Variants in MLPH observed in about 807,000 individuals in gnomAD.
The protein encoded by MLPH is exophilin-3.
In MLPH, 51 loss-of-function variants were observed where a neutral mutation model predicts 72.1. That is an observed-to-expected ratio of 0.71 (90% CI 0.56 to 0.89). The LOEUF is 0.89. MLPH is among the 40% of genes least tolerant of loss of function. MLPH has a pLI of 0.00. For synonymous variants in MLPH, 301 were observed against 310.1 expected, an observed-to-expected ratio of 0.97 and a Z score of 0.31; for missense variants, 743 against 759.9, an observed-to-expected ratio of 0.98 and a Z score of 0.26.
rs2106381719 is a variant in MLPH, at chr2:237,542,579, G to A, written c.1459G>A (p.Glu487Lys). Reference protein sequence around the residue: ...QQAESEVSDIESRIAALRAAG... With the variant: ...QQAESEVSDIKSRIAALRAAG... ...TGTCCTCTCGCAGGTTTCAGACATTGAATCCAGGATTGCAGCCCTGAGGGC... is the reference window on the plus strand; with the variant it reads ...TGTCCTCTCGCAGGTTTCAGACATTAAATCCAGGATTGCAGCCCTGAGGGC... Residue 487 changes from glutamate to lysine, a missense_variant, in exon 12 of 16, where the codon GAA becomes AAA. Transcript: ENST00000264605. 1 of 1,602,810 alleles carries A rather than the reference G, an allele frequency of 6.2e-7. No individual in the cohort carries two copies. The highest frequency in any genetic ancestry group is 1.3e-5 in the African/African-American group (1 of 74,914).
chr2:237,502,643 C>T (rs915614654), intron 2 of MLPH, among the ~76,000 whole-genome samples: 23 of 152,098 alleles, frequency 1.5e-4, no homozygotes, highest in African/African-American at 1.4e-4. Context: ...GAAGCCCAAA[C>T]GGAACACCCT....
chr2:237,547,036 A>C (rs544958987), intron 13 of MLPH, among the ~76,000 whole-genome samples: 1 of 152,228 alleles, frequency 6.6e-6, no homozygotes, highest in Non-Finnish European at 1.5e-5. Flanking sequence ...GACCACGCAG[A>C]TCACACCCCA....
intron 8 of MLPH, among the ~76,000 whole-genome samples, chr2:237,528,772 C>T (rs190695864): frequency 1.3e-5 from 2 of 152,182 alleles, no homozygotes; most frequent in East Asian, 1.9e-4. Flanking sequence ...TCCCTTGTCC[C>T]CGGCCTCTGA....
At chr2:237,542,727 G>A (rs1209934912) in intron 12 of MLPH, 68 bp downstream of exon 12, 12 of 1,061,682 alleles carry the variant, frequency 1.1e-5, no homozygotes, top group African/African-American at 6.7e-5. Context: ...GGCGGACAGT[G>A]GTGAGTGGGG....
intron 2 of MLPH, among the ~76,000 whole-genome samples, chr2:237,501,194 C>T (rs1471738790): frequency 2.0e-5 from 3 of 152,130 alleles, no homozygotes; most frequent in South Asian, 2.1e-4. Flanking sequence ...GCTGCTTTGG[C>T]GCTGTGTCAC....
At chr2:237,518,340 T>C (rs2080097421) in intron 4 of MLPH, 199 bp from the exon 5 acceptor site, 2 of 670,312 alleles carry the variant, frequency 3.0e-6, no homozygotes, top group Admixed American at 2.1e-5. Context: ...AATAGATTGA[T>C]AAATAGGGGG....
intron 1 of MLPH, among the ~76,000 whole-genome samples, chr2:237,491,708 G>A (rs188778032): frequency 6.6e-6 from 1 of 152,322 alleles, no homozygotes; most frequent in Admixed American, 6.5e-5. Context: ...CATTGGTGGT[G>A]AAGTTCTCCC....
In MLPH at chr2:237,541,251, A is replaced by T. The variant is rs2080675583; in HGVS notation, c.1446+294A>T. Among the ~76,000 whole-genome samples the T allele has an allele frequency of 1.3e-5, 2 of 152,082 alleles. No individual in the cohort carries two copies. The highest frequency in any genetic ancestry group is 4.8e-5 in the African/African-American group (2 of 41,396). ...CTGAACACACAATCCCTGACCCAGG[A>T]TGGGGGCCTAGAAGCAGGCCTGGAA... On this transcript the variant is annotated intron_variant, in intron 11 of 15. Transcript: ENST00000264605. This position sits in a 1 kb window ranked among gnomAD's most constrained non-coding sequence, Gnocchi z 5.1.
At chr2:237,504,858 C>A (rs1198208022) in intron 2 of MLPH, among the ~76,000 whole-genome samples, 1 of 152,112 alleles carries the variant, frequency 6.6e-6, no homozygotes. Flanking sequence ...AACTCATGGT[C>A]GAAAACTTCA....
intron 2 of MLPH, among the ~76,000 whole-genome samples, chr2:237,509,105 T>C (rs2079837376): frequency 6.6e-6 from 1 of 152,168 alleles, no homozygotes; most frequent in African/African-American, 2.4e-5. Flanking sequence ...GGCTGGCAGA[T>C]GTCATTTGGT....
Position 237,534,586 on chromosome 2 carries a change from T to C in MLPH, c.1043T>C (p.Ile348Thr). ...ESQIFELNKH[I>T]SAVECLLTYL... ...CAGATCTTTGAGCTGAATAAGCATA[T>C]TTCAGCTGTGGAATGCCTGCTGACC... The change falls in exon 9 of 16, where the codon ATT (isoleucine) becomes ACT (threonine). Residue 348 changes from isoleucine to threonine, a missense_variant. Coordinates refer to ENST00000264605, the MANE Select transcript of MLPH (RefSeq NM_024101.7). 4 of 1,613,708 alleles carry C rather than the reference T, an allele frequency of 2.5e-6. No individual in the cohort carries two copies. Among genetic ancestry groups the C allele is most frequent in the Admixed American group, 1.7e-5 (1 of 59,992 alleles).
At chr2:237,495,866 G>A (rs949678973) in intron 2 of MLPH, among the ~76,000 whole-genome samples, 5 of 152,178 alleles carry the variant, frequency 3.3e-5, no homozygotes, top group Admixed American at 3.3e-4. Context: ...TGACCGCAGG[G>A]CTGACACCCT....
At chr2:237,499,730 T>TATC (rs2079607200) in intron 2 of MLPH, among the ~76,000 whole-genome samples, 1 of 152,214 alleles carries the variant, frequency 6.6e-6, no homozygotes, top group South Asian at 2.1e-4. Context: ...AATGTAATTT[T>TATC]ATCCCATTTT....
chr2:237,517,021 ATGG>A (rs2080047636), intron 4 of MLPH, among the ~76,000 whole-genome samples: 4 of 133,710 alleles, frequency 3.0e-5, no homozygotes, highest in African/African-American at 8.7e-5. Context: ...GGATGGATGG[ATGG>A]ATGGATGGAT....
At chr2:237,527,265 C>T (rs940412059) in intron 7 of MLPH, 112 bp from the exon 8 acceptor site, 13 of 1,353,192 alleles carry the variant, frequency 9.6e-6, no homozygotes, top group Admixed American at 8.5e-5. Context: ...GTAACATGAA[C>T]ATCCTTATGT....
intron 4 of MLPH, among the ~76,000 whole-genome samples, chr2:237,516,914 A>AGGATGGATGGATGGATGGAT (rs1157566183): frequency 0.025 from 2,973 of 119,214 alleles, 109 homozygotes; most frequent in African/African-American, 0.083. Flanking sequence ...GATGGATGGT[A>AGGATGGATGGATGGATGGAT]GGATGGATGG....
intron 13 of MLPH, among the ~76,000 whole-genome samples, chr2:237,547,869 G>A (rs1269726173): frequency 1.3e-5 from 2 of 152,088 alleles, no homozygotes; most frequent in Admixed American, 6.5e-5. Flanking sequence ...CAGGTGGAGT[G>A]GTTAGGGGTA....
At chr2:237,489,522 T>C (rs6760842) in intron 1 of MLPH, among the ~76,000 whole-genome samples, 39,661 of 152,008 alleles carry the variant, frequency 0.26, 5,480 homozygotes, top group African/African-American at 0.36. Flanking sequence ...GAAATAACCA[T>C]ACAGGCTGAC....
Position 237,519,915 on chromosome 2 carries a change from G to A in MLPH, c.561G>A (p.Lys187=), listed in dbSNP as rs1307895000. The part of the protein sequence containing the change: ...AQAQPFGSKK[K]RLLSVHDFDF... The stretch of plus-strand genomic sequence containing the variant: ...CCTGTCTTGTGCCTGCTAAGAAAAA[G>A]CGCCTCCTCTCCGTCCACGACTTCG... Residue 187 remains lysine, a synonymous_variant, in exon 6 of 16, where the codon AAG becomes AAA. Coordinates refer to ENST00000264605, the MANE Select transcript of MLPH (RefSeq NM_024101.7). 1 of 1,614,002 alleles carries A rather than the reference G, an allele frequency of 6.2e-7. No individual in the cohort carries two copies. Among genetic ancestry groups the A allele is most frequent in the Admixed American group, 1.7e-5 (1 of 60,028 alleles).
Sources: gnomAD v4.1 joint callset for allele counts (sites outside exome capture counted in the v4.1 genomes callset) on GRCh38, gnomAD v4.1.1 for gene constraint, Gnocchi (gnomAD v3.1) non-coding constraint, MANE v1.5 for transcripts, NCBI Gene and HGNC (gene_info 2026-07-23, HGNC 2026-07-21) for gene names.